The following ALDH2 variants were observed in gnomAD, a reference collection of about 807,000 sequenced individuals.
The protein encoded by ALDH2 is aldehyde dehydrogenase 2 family member.
In ALDH2, 44 loss-of-function variants were observed where a neutral mutation model predicts 59.6. The observed-to-expected ratio is 0.74, with a 90% CI of 0.58 to 0.95. The LOEUF is 0.95. ALDH2 is among the 40% of genes least tolerant of loss of function. The pLI is 0.00. For synonymous variants in ALDH2, 291 were observed against 284.0 expected (o/e 1.02, Z -0.25); for missense variants, 570 against 696.3 (o/e 0.82, Z 2.04).
At chr12:111,792,380 C>T (rs531676524) in intron 8 of ALDH2, among the ~76,000 whole-genome samples, 2 of 152,386 alleles carry the variant, frequency 1.3e-5, no homozygotes, top group Middle Eastern at 3.4e-3. Context: ...CTAGGCCACG[C>T]CCCTGCTATC....
chr12:111,779,492 A>G (rs1318601229), intron 1 of ALDH2, among the ~76,000 whole-genome samples: 14 of 152,116 alleles, frequency 9.2e-5, no homozygotes, highest in Admixed American at 9.2e-4. Flanking sequence ...GCCAGGCCAA[A>G]TGTCTGCTTT....
intron 12 of ALDH2, among the ~76,000 whole-genome samples, chr12:111,805,165 A>G (rs988015435): frequency 5.9e-4 from 90 of 152,286 alleles, no homozygotes; most frequent in African/African-American, 2.0e-3. Context: ...TATAAGCCCA[A>G]TTTTTGGAAT....
At chr12:111,797,956 C>G (rs2002515597) in intron 9 of ALDH2, 122 bp from the exon 10 acceptor site, 4 of 1,187,574 alleles carry the variant, frequency 3.4e-6, no homozygotes, top group Non-Finnish European at 4.8e-6. Flanking sequence ...CTCTTCTGAT[C>G]TTGCTTTCTT....
At position 111,814,056 on chromosome 12, in the gene ALDH2, A is replaced by C. The variant is rs1410526169; in HGVS notation, c.*4481A>C. Reference sequence around the variant, plus strand: ...AGACTAGCCTGGCCAACATGGTGAAATCCCATCTCGGCCGGGCGCGGTGGC... The same window carrying C: ...AGACTAGCCTGGCCAACATGGTGAACTCCCATCTCGGCCGGGCGCGGTGGC... On this transcript the variant is annotated 3_prime_UTR_variant, in exon 13 of 13. Transcript: ENST00000261733. 1.3e-5 allele frequency: 2 copies of C among 152,350 alleles called. No individual in the cohort carries two copies. The highest frequency in any genetic ancestry group is 2.4e-5 in the African/African-American group (1 of 41,432). 9.4% of individuals were successfully genotyped at this position (152,350 alleles called of 1,614,324 possible).
At position 111,790,477 on chromosome 12, in the gene ALDH2, C is replaced by T. The variant is rs766713154; in HGVS notation, c.596C>T (p.Ala199Val). 2 of 1,614,146 alleles carry T rather than the reference C, an allele frequency of 1.2e-6. No homozygotes were observed. Among genetic ancestry groups the T allele is most frequent in the Admixed American group, 3.3e-5 (2 of 60,012 alleles). ...ATGCAAGCATGGAAGCTGGGCCCAG[C>T]CTTGGCAACTGGAAACGTGGTTGTG... is the stretch of plus-strand genomic sequence containing the variant. ...LLMQAWKLGP[A>V]LATGNVVVMK... Residue 199 changes from alanine (A) to valine (V), a missense_variant, in exon 6 of 13, where the codon GCC becomes GTC. Transcript: ENST00000261733.
chr12:111,804,033 C>T, intron 12 of ALDH2, 60 bp downstream of exon 12: 2 of 1,287,422 alleles, frequency 1.6e-6, no homozygotes, highest in Admixed American at 2.2e-5. Flanking sequence ...CTGCTGGTGG[C>T]TCGGAGCCTG....
intron 1 of ALDH2, among the ~76,000 whole-genome samples, chr12:111,771,987 T>C (rs1049485226): frequency 6.6e-6 from 1 of 151,896 alleles, no homozygotes; most frequent in Non-Finnish European, 1.5e-5. Context: ...TAATCCCAGC[T>C]ACTCCGGAGG....
chr12:111,796,394 T>C (rs2068404454), intron 9 of ALDH2, among the ~76,000 whole-genome samples: 1 of 151,702 alleles, frequency 6.6e-6, no homozygotes, highest in Non-Finnish European at 1.5e-5. Flanking sequence ...GTGCCTATAC[T>C]CTCAGCTACT....
intron 1 of ALDH2, among the ~76,000 whole-genome samples, chr12:111,767,640 C>A (rs2068168905): frequency 2.0e-5 from 3 of 152,204 alleles, no homozygotes; most frequent in Middle Eastern, 3.2e-3. Flanking sequence ...GGAGGACCTT[C>A]GGCCCCAGGG....
intron 4 of ALDH2, among the ~76,000 whole-genome samples, chr12:111,789,483 C>A (rs529005365): frequency 7.0e-6 from 1 of 142,012 alleles, no homozygotes; most frequent in African/African-American, 2.6e-5. Context: ...CAGAGCGAGA[C>A]GCTGTCTCAA....
intron 1 of ALDH2, among the ~76,000 whole-genome samples, chr12:111,772,575 C>A (rs2068207636): frequency 6.6e-6 from 1 of 151,426 alleles, no homozygotes; most frequent in African/African-American, 2.4e-5. Context: ...GTTGGCCAGG[C>A]TAGTCTCAAA....
Position 111,792,084 on chromosome 12 carries a change from T to G in ALDH2, c.819T>G (p.Ala273=), listed in dbSNP as rs1196748860. ...AGATTGGCCGCGTAATCCAGGTTGCTGCTGGGAGCAGCAACCTCAAGAGAG... is the reference window on the plus strand; with the variant it reads ...AGATTGGCCGCGTAATCCAGGTTGCGGCTGGGAGCAGCAACCTCAAGAGAG... ...STEIGRVIQV[A]AGSSNLKRVT... is the part of the protein sequence containing the mutation. The change falls in exon 8 of 13, where the codon GCT becomes GCG. Residue 273 remains alanine, a synonymous_variant. Coordinates refer to ENST00000261733, the MANE Select transcript of ALDH2 (RefSeq NM_000690.4). 1 of 1,611,180 alleles carries G rather than the reference T, an allele frequency of 6.2e-7. No homozygotes were observed. The highest frequency in any genetic ancestry group is 2.2e-5 in the East Asian group (1 of 44,866).
chr12:111,784,459 A>T (rs926331456), intron 3 of ALDH2, among the ~76,000 whole-genome samples: 4 of 152,152 alleles, frequency 2.6e-5, no homozygotes, highest in African/African-American at 9.7e-5. Context: ...CCTGCCTGGG[A>T]TGCTCTTCGC....
In ALDH2 at chr12:111,792,727, C is replaced by T; in HGVS notation, c.1028C>T (p.Ala343Val). 1 of 1,578,766 alleles carries T rather than the reference C, an allele frequency of 6.3e-7. No homozygotes were observed. The highest frequency in any genetic ancestry group is 8.6e-7 in the Non-Finnish European group (1 of 1,162,636). Residue 343 changes from alanine to valine, a missense_variant, in exon 9 of 13, where the codon GCC becomes GTC. Physicochemically the swap from Ala to Val is moderately conservative, Grantham distance 64. Transcript: ENST00000261733. ...DEFVERSVAR[A>V]KSRVVGNPFD... is the part of the protein sequence containing the mutation. ...TTTGTGGAGCGGAGCGTTGCCCGGG[C>T]CAAGTCTCGGGTGGTCGGGAACCCC... is the stretch of plus-strand genomic sequence containing the variant.
intron 4 of ALDH2, among the ~76,000 whole-genome samples, chr12:111,787,026 GA>G (rs2068315681): frequency 6.6e-6 from 1 of 152,000 alleles, no homozygotes; most frequent in Non-Finnish European, 1.5e-5. Context: ...CCAACATGGT[GA>G]AACCCCATCT....
chr12:111,766,986 T>A lies in ALDH2; in HGVS notation c.4T>A (p.Leu2Met). ...CGCTGTCCGCTAGCCCGCTGCGATG[T>A]TGCGCGCTGCCGCCCGCTTCGGGCC... M[L>M]RAAARFGPRL... Residue 2 changes from leucine (L) to methionine (M), a missense_variant, in exon 1 of 13, where the codon TTG becomes ATG. By Grantham distance (15) the Leu-to-Met change is conservative. Transcript: ENST00000261733. 1 of 1,521,976 alleles carries A rather than the reference T, an allele frequency of 6.6e-7. No individual in the cohort carries two copies. Among genetic ancestry groups the A allele is most frequent in the Non-Finnish European group, 8.8e-7 (1 of 1,141,422 alleles). The allele number at this position is 1,521,976 out of a possible 1,614,324, so 94.3% of individuals were successfully genotyped here. A position where few individuals can be genotyped will look rare whatever the true frequency, so the allele number is the denominator to read the frequency against.
In ALDH2 at chr12:111,785,445, A is replaced by T. The variant is rs1360741813; in HGVS notation, c.440+99A>T. Reference sequence around the variant, plus strand: ...TAAATTACAAAAATTCAAAAGGGGCAGAGCGCGGTATCTCATGCCTATAAT... The same window carrying T: ...TAAATTACAAAAATTCAAAAGGGGCTGAGCGCGGTATCTCATGCCTATAAT... On this transcript the variant is annotated intron_variant, in intron 4 of 12. Transcript: ENST00000261733. The T allele has an allele frequency of 2.9e-6, 3 of 1,037,958 alleles. No homozygotes were observed. In the Admixed American group the frequency reaches 5.8e-5, roughly 20 times the overall value. 64.3% of individuals were successfully genotyped at this position (1,037,958 alleles called of 1,614,324 possible). A position where few individuals can be genotyped will look rare whatever the true frequency, so the allele number is the denominator to read the frequency against.
intron 12 of ALDH2, among the ~76,000 whole-genome samples, chr12:111,806,878 A>G (rs1488517719): frequency 6.6e-6 from 1 of 151,374 alleles, no homozygotes; most frequent in Admixed American, 6.6e-5. Context: ...GGCTGAGACA[A>G]GAGTTGCCTG....
At chr12:111,774,465 C>T (rs1175440527) in intron 1 of ALDH2, among the ~76,000 whole-genome samples, 3 of 152,160 alleles carry the variant, frequency 2.0e-5, no homozygotes, top group Non-Finnish European at 2.9e-5. Flanking sequence ...TGCAAAACCG[C>T]GCCATTAGCT....
Sources: allele counts gnomAD v4.1 joint callset (sites outside exome capture counted in the v4.1 genomes callset), GRCh38; gene constraint gnomAD v4.1.1; transcripts MANE v1.5; gene names NCBI Gene and HGNC (gene_info 2026-07-23, HGNC 2026-07-21).